BRAF: variants seen among roughly 807,000 people sequenced by gnomAD.
BRAF encodes serine/threonine-protein kinase B-raf.
BRAF carries 16 observed loss-of-function variants against 104.6 expected under a neutral mutation model. The ratio of observed to expected loss-of-function variants is 0.15; its 90% CI spans 0.10 to 0.23. BRAF has a LOEUF of 0.23. Ranked by LOEUF, BRAF falls within the 10% of genes least tolerant of loss-of-function variation. BRAF has a pLI of 1.00. For synonymous variants in BRAF, 310 were observed against 341.6 expected (o/e 0.91, Z 1.02); for missense variants, 541 against 937.3 (o/e 0.58, Z 5.52).
chr7:140,760,564 A>G (rs969132015), intron 14 of BRAF, among the ~76,000 whole-genome samples: 1 of 152,138 alleles, frequency 6.6e-6, no homozygotes, highest in Non-Finnish European at 1.5e-5. Flanking sequence ...CGAAGGAAGA[A>G]GAGGAATGAG....
intron 18 of BRAF, among the ~76,000 whole-genome samples, chr7:140,739,273 A>G (rs953358942): frequency 6.6e-6 from 1 of 152,178 alleles, no homozygotes; most frequent in African/African-American, 2.4e-5. Context: ...TAGGGGTGAC[A>G]TGATGTGAGA....
Position 140,720,412 on chromosome 7 carries a change from G to A in BRAF, c.*6082C>T, listed in dbSNP as rs1795264893. The A allele has an allele frequency of 2.3e-5, 24 of 1,062,348 alleles. No individual in the cohort carries two copies. The highest frequency in any genetic ancestry group is 2.6e-5 in the Non-Finnish European group (23 of 877,548). The allele number at this position is 1,062,348 out of a possible 1,614,324, so 65.8% of individuals were successfully genotyped here. On this transcript the variant is annotated 3_prime_UTR_variant, in exon 20 of 20. Transcript: ENST00000644969. Reference sequence around the variant, plus strand: ...TGTATGTAAACTAACATAACATGAAGATAAATAAGACATAAAGGCTAGCCA... The same window carrying A: ...TGTATGTAAACTAACATAACATGAAAATAAATAAGACATAAAGGCTAGCCA...
At chr7:140,739,157 G>A (rs566626413) in intron 18 of BRAF, among the ~76,000 whole-genome samples, 133 of 151,950 alleles carry the variant, frequency 8.8e-4, no homozygotes, top group African/African-American at 3.1e-3. Flanking sequence ...AATGTGGTCC[G>A]TGGACCACCA....
chr7:140,734,902 A>ACTTT, intron 18 of BRAF, 132 bp from the exon 18 acceptor site: 1 of 969,934 alleles, frequency 1.0e-6, no homozygotes, highest in South Asian at 1.8e-5. Flanking sequence ...ATCACACTTT[A>ACTTT]CAAGAAAGCA....
At chr7:140,745,241 G>A (rs1797255086) in intron 17 of BRAF, among the ~76,000 whole-genome samples, 1 of 151,922 alleles carries the variant, frequency 6.6e-6, no homozygotes, top group African/African-American at 2.4e-5. Flanking sequence ...TACATTCTTT[G>A]CAATTATTTA....
chr7:140,785,003 T>C (rs1028677857), intron 10 of BRAF, among the ~76,000 whole-genome samples: 6 of 152,178 alleles, frequency 3.9e-5, no homozygotes, highest in Admixed American at 2.0e-4. Flanking sequence ...CAAGATGAAA[T>C]GGGAGAATGA....
intron 3 of BRAF, among the ~76,000 whole-genome samples, chr7:140,822,127 A>C (rs1805552989): frequency 6.6e-6 from 1 of 152,176 alleles, no homozygotes; most frequent in South Asian, 2.1e-4. Flanking sequence ...TACCCAGATA[A>C]CAAAGCTGTG....
intron 1 of BRAF, among the ~76,000 whole-genome samples, chr7:140,912,792 C>T (rs1460355203): frequency 6.6e-6 from 1 of 152,210 alleles, no homozygotes; most frequent in Admixed American, 6.5e-5. Flanking sequence ...GGGTGATCTG[C>T]CCGCCTCGGC....
intron 3 of BRAF, among the ~76,000 whole-genome samples, chr7:140,828,939 C>CA (rs1806387504): frequency 6.6e-6 from 1 of 152,182 alleles, no homozygotes; most frequent in Non-Finnish European, 1.5e-5. Context: ...GAAATGATCT[C>CA]ATAGTTTTAA....
intron 14 of BRAF, among the ~76,000 whole-genome samples, chr7:140,761,435 T>G (rs904431812): frequency 1.5e-4 from 23 of 151,900 alleles, no homozygotes; most frequent in African/African-American, 5.3e-4. Flanking sequence ...TGCAAAATCA[T>G]GCCAAAATGT....
rs2130827962 is a variant in BRAF, at chr7:140,724,695, C to T, written c.*1799G>A. On this transcript the variant is annotated 3_prime_UTR_variant, in exon 20 of 20. Transcript: ENST00000644969. ...ATATAGACAGCAGGGCCTGGAGTTACAATCTGAAATTTTTAAATAACAATT... is the reference window on the plus strand; with the variant it reads ...ATATAGACAGCAGGGCCTGGAGTTATAATCTGAAATTTTTAAATAACAATT... 1 of 1,032,790 alleles carries T rather than the reference C, an allele frequency of 9.7e-7. No homozygotes were observed. The highest frequency in any genetic ancestry group is 1.2e-6 in the Non-Finnish European group (1 of 858,654). 64.0% of individuals were successfully genotyped at this position (1,032,790 alleles called of 1,614,324 possible). A position where few individuals can be genotyped will look rare whatever the true frequency, so the allele number is the denominator to read the frequency against.
In BRAF at chr7:140,723,763, G is replaced by C; in HGVS notation, c.*2731C>G. ...CTGCAGCCACTTTACAGACAAGACT[G>C]TTACACCCTTACAAGATGATCAGTG... On this transcript the variant is annotated 3_prime_UTR_variant, in exon 20 of 20. Transcript: ENST00000644969. The C allele has an allele frequency of 9.5e-7, 1 of 1,048,982 alleles. No homozygotes were observed. The highest frequency in any genetic ancestry group is 1.2e-6 in the Non-Finnish European group (1 of 868,996). 65.0% of individuals were successfully genotyped at this position (1,048,982 alleles called of 1,614,324 possible). A position where few individuals can be genotyped will look rare whatever the true frequency, so the allele number is the denominator to read the frequency against.
At chr7:140,804,734 A>C (rs1346516995) in intron 5 of BRAF, among the ~76,000 whole-genome samples, 1 of 152,176 alleles carries the variant, frequency 6.6e-6, no homozygotes, top group East Asian at 1.9e-4. Context: ...AGAACTTCCT[A>C]ATCTATTCTG....
At chr7:140,768,191 G>A (rs2129012515) in intron 14 of BRAF, among the ~76,000 whole-genome samples, 1 of 152,218 alleles carries the variant, frequency 6.6e-6, no homozygotes, top group Middle Eastern at 3.4e-3. Context: ...GATTACTGGT[G>A]CTTTTTATTT....
intron 14 of BRAF, among the ~76,000 whole-genome samples, chr7:140,755,194 T>C (rs1286122193): frequency 6.6e-6 from 1 of 152,202 alleles, no homozygotes; most frequent in Admixed American, 6.5e-5. Flanking sequence ...TTGGTATGTG[T>C]GGTAAGTATT....
At chr7:140,781,746 T>G in intron 11 of BRAF, 53 bp from the exon 11 acceptor site, 1 of 1,445,480 alleles carries the variant, frequency 6.9e-7, no homozygotes, top group Non-Finnish European at 9.7e-7. Flanking sequence ...AAAGAAAACC[T>G]TATGTTTCAC....
chr7:140,906,736 T>G (rs963750738), intron 1 of BRAF, among the ~76,000 whole-genome samples: 1 of 152,226 alleles, frequency 6.6e-6, no homozygotes, highest in Non-Finnish European at 1.5e-5. Context: ...AATTCTAGAT[T>G]GGCAGTTATT....
intron 1 of BRAF, among the ~76,000 whole-genome samples, chr7:140,881,516 A>G (rs1026080891): frequency 2.0e-5 from 3 of 152,302 alleles, no homozygotes; most frequent in Non-Finnish European, 4.4e-5. Context: ...TGGCCTCTTA[A>G]AAGTGCTGGG....
chr7:140,732,154 G>T, intron 19 of BRAF: 1 of 91,256 alleles, frequency 1.1e-5, no homozygotes, highest in African/African-American at 4.0e-5. Context: ...CTGGGCGACA[G>T]AGCGAGACTC....
Sources: gnomAD v4.1 joint callset for allele counts (sites outside exome capture counted in the v4.1 genomes callset) on GRCh38, gnomAD v4.1.1 for gene constraint, MANE v1.5 for transcripts, NCBI Gene and HGNC (gene_info 2026-07-23, HGNC 2026-07-21) for gene names.